The following FKBP1B variants were observed in gnomAD, a reference collection of about 807,000 sequenced individuals.
FKBP1B encodes FKBP prolyl isomerase 1B, also known as peptidyl-prolyl cis-trans isomerase FKBP1B.
FKBP1B carries 4 observed loss-of-function variants against 13.5 expected under a neutral mutation model. The observed-to-expected ratio is 0.30, with a 90% CI of 0.15 to 0.68. The LOEUF is 0.68. FKBP1B is among the 30% of genes least tolerant of loss of function. FKBP1B has a pLI of 0.76. For missense variants in FKBP1B, 93 were observed against 136.2 expected (o/e 0.68, Z 1.58); for synonymous variants, 54 against 53.6 (o/e 1.01, Z -0.03).
chr2:24,036,082 A>AAAT, the FKBP1B span, among the ~76,000 whole-genome samples: 2 of 148,600 alleles, frequency 1.3e-5, no homozygotes, highest in Non-Finnish European at 3.0e-5. Context: ...ATAAATAAAT[A>AAAT]AATAAATAAA....
chr2:24,048,470 CA>C (rs11367799), upstream of FKBP1B, among the ~76,000 whole-genome samples: 40,454 of 87,004 alleles, frequency 0.46, 6,624 homozygotes, highest in African/African-American at 0.5. Flanking sequence ...GATTCTGTCT[CA>C]AAAAAAAAAA....
chr2:24,063,461 A>ACGGC lies in FKBP1B; in HGVS notation c.*269_*270insCGGC. 1.3e-5 allele frequency: 5 copies of ACGGC among 377,230 alleles called. No homozygotes were observed. Among genetic ancestry groups the ACGGC allele is most frequent in the South Asian group, 7.0e-5 (1 of 14,218 alleles). The allele number at this position is 377,230 out of a possible 1,614,324, so 23.4% of individuals were successfully genotyped here. On this transcript the variant is annotated 3_prime_UTR_variant, in exon 4 of 4. Transcript: ENST00000380986. ...GCATGTAGTAGCCTTTCCTGATGACAGAACACAGATCTCTTGTTCGCACAA... is the reference window on the plus strand; with the variant it reads ...GCATGTAGTAGCCTTTCCTGATGACACGGCGAACACAGATCTCTTGTTCGCACAA...
At chr2:24,049,236 C>T (rs896697456), upstream of FKBP1B, among the ~76,000 whole-genome samples, 1 of 152,110 alleles carries the variant, frequency 6.6e-6, no homozygotes, top group Non-Finnish European at 1.5e-5. Context: ...CGTGGTTGCT[C>T]GCGCCTCTAG....
chr2:24,033,250 A>C, the FKBP1B span: 7 of 496,790 alleles, frequency 1.4e-5, no homozygotes, highest in Admixed American at 1.8e-4. Flanking sequence ...GAGAGACACA[A>C]TCTGACGGTA....
At chr2:24,054,663 G>A (rs1244844180) in intron 2 of FKBP1B, 1 of 160,870 alleles carries the variant, frequency 6.2e-6, no homozygotes, top group Non-Finnish European at 1.5e-5. Context: ...TAGCAGTTCT[G>A]TGGGCCAGTG....
chr2:24,048,986 CAG>C (rs1227415614), upstream of FKBP1B, among the ~76,000 whole-genome samples: 3 of 152,032 alleles, frequency 2.0e-5, no homozygotes, highest in African/African-American at 7.2e-5. Context: ...AGATGGAGAA[CAG>C]GGGTTTAGGG....
chr2:24,061,979 T>C (rs979693851), intron 3 of FKBP1B, among the ~76,000 whole-genome samples: 1 of 151,938 alleles, frequency 6.6e-6, no homozygotes, highest in Non-Finnish European at 1.5e-5. Context: ...ACGCCATTCT[T>C]CTGCCTCAGC....
intron 2 of FKBP1B, among the ~76,000 whole-genome samples, chr2:24,057,788 A>T (rs747115032): frequency 5.9e-5 from 9 of 152,106 alleles, no homozygotes; most frequent in Non-Finnish European, 1.3e-4. Flanking sequence ...AAGTGCTAGT[A>T]TTACAGGTGT....
At chr2:24,055,448 G>A (rs1204396094) in intron 2 of FKBP1B, among the ~76,000 whole-genome samples, 1 of 152,096 alleles carries the variant, frequency 6.6e-6, no homozygotes, top group Admixed American at 6.6e-5. Flanking sequence ...GTATGCAAGT[G>A]ATCCTTCCAC....
chr2:24,062,475 G>A (rs1053920162), intron 3 of FKBP1B, among the ~76,000 whole-genome samples: 18 of 152,196 alleles, frequency 1.2e-4, no homozygotes, highest in East Asian at 3.9e-4. Flanking sequence ...CACCACGCCC[G>A]GACTTTTTGT....
chr2:24,047,444 A>AT (rs1291314597), upstream of FKBP1B: 2 of 152,122 alleles, frequency 1.3e-5, no homozygotes, highest in East Asian at 3.8e-4. Context: ...GGGCGGTGAT[A>AT]TCGGTCCTCT....
rs555816752 is a variant in FKBP1B, at chr2:24,049,777, G to A, written c.-73G>A. 4 of 1,224,324 alleles carry A rather than the reference G, an allele frequency of 3.3e-6. No individual in the cohort carries two copies. Among genetic ancestry groups the A allele is most frequent in the South Asian group, 5.0e-5 (2 of 39,730 alleles). The allele number at this position is 1,224,324 out of a possible 1,614,324, so 75.8% of individuals were successfully genotyped here. A position where few individuals can be genotyped will look rare whatever the true frequency, so the allele number is the denominator to read the frequency against. On this transcript the variant is annotated 5_prime_UTR_variant, in exon 1 of 4. Transcript: ENST00000380986. ...GAGGAGGCGAGCCGGAGCGACGGCG[G>A]GGCTGGGGCCGGAGCCGAGCCGGGG...
chr2:24,054,209 C>T, intron 2 of FKBP1B: 1 of 652,806 alleles, frequency 1.5e-6, no homozygotes, highest in South Asian at 1.8e-5. Flanking sequence ...CAAACACCTT[C>T]AGTCCCCTTC....
chr2:24,042,700 ACT>A, the FKBP1B span, among the ~76,000 whole-genome samples: 62 of 146,414 alleles, frequency 4.2e-4, no homozygotes, highest in African/African-American at 1.6e-3. Flanking sequence ...CAAGAGTGAA[ACT>A]CTGTCTCAAA....
upstream of FKBP1B, chr2:24,047,313 C>T (rs1005550806): frequency 2.6e-5 from 4 of 152,072 alleles, no homozygotes; most frequent in Non-Finnish European, 5.9e-5. Context: ...AGATGAAATA[C>T]CTTAGGTCTC....
Position 24,063,323 on chromosome 2 carries a change from C to CATT in FKBP1B, c.*132_*134dup, listed in dbSNP as rs532359467. ...AACCTCACTGCCTCATGGCATCATC[C>CATT]ATTCTCTCTGCCCAAGTTGCTCTGT... On this transcript the variant is annotated 3_prime_UTR_variant, in exon 4 of 4. Coordinates refer to ENST00000380986, the MANE Select transcript of FKBP1B (RefSeq NM_004116.5). 6.7e-4 allele frequency: 580 copies of CATT among 863,584 alleles called. 4 individuals are homozygous for CATT. The African/African-American group carries it at 8.5e-3, about 13-fold the overall frequency. The allele number at this position is 863,584 out of a possible 1,614,324, so 53.5% of individuals were successfully genotyped here.
the FKBP1B span, among the ~76,000 whole-genome samples, chr2:24,042,368 T>C: frequency 6.6e-6 from 1 of 151,842 alleles, no homozygotes; most frequent in Admixed American, 6.6e-5. Context: ...AAACCCTGTC[T>C]CTACTAAAAA....
intron 2 of FKBP1B, among the ~76,000 whole-genome samples, chr2:24,059,839 G>T (rs1664301568): frequency 7.8e-6 from 1 of 127,494 alleles, no homozygotes; most frequent in Non-Finnish European, 1.6e-5. Flanking sequence ...AGGTTGCAGT[G>T]AACCGAGATC....
At chr2:24,035,332 A>G in the FKBP1B span, among the ~76,000 whole-genome samples, 1 of 130,438 alleles carries the variant, frequency 7.7e-6, no homozygotes, top group Non-Finnish European at 1.7e-5. Flanking sequence ...GTGTAACAAA[A>G]GGGGAAATAA....
Sources: gnomAD v4.1 joint callset for allele counts (sites outside exome capture counted in the v4.1 genomes callset) on GRCh38, gnomAD v4.1.1 for gene constraint, MANE v1.5 for transcripts, NCBI Gene and HGNC (gene_info 2026-07-23, HGNC 2026-07-21) for gene names.